The following ATRX variants were observed in gnomAD, a reference collection of about 807,000 sequenced individuals.
ATRX encodes chromatin remodeler ATRX.
Under a neutral mutation model 172.6 loss-of-function variants are expected in ATRX, and 12 were observed. The observed-to-expected ratio is 0.07, with a 90% CI of 0.04 to 0.11. The LOEUF (loss-of-function observed/expected upper bound fraction) is 0.11, where lower values mean the gene tolerates loss of function less well. ATRX is among the 10% of genes least tolerant of loss of function. The probability of loss-of-function intolerance (pLI) is 1.00; values close to 1 mark genes in which losing one functional copy is unlikely to be tolerated. For missense variants in ATRX, 1,368 were observed against 1,767.4 expected (o/e 0.77, Z 4.05); for synonymous variants, 674 against 594.7 (o/e 1.13, Z -1.94).
chrX:77,710,167 C>A (rs1460642679), intron 2 of ATRX, among the ~76,000 whole-genome samples: 2 of 109,718 alleles, frequency 1.8e-5, no homozygotes, highest in African/African-American at 6.6e-5. Flanking sequence ...GGTGTGGTGG[C>A]GCTTGCCTGT....
intron 30 of ATRX, among the ~76,000 whole-genome samples, chrX:77,537,775 G>C (rs911794118): frequency 9.0e-6 from 1 of 111,588 alleles, no homozygotes; most frequent in Non-Finnish European, 1.9e-5. Flanking sequence ...TATTGGAGTT[G>C]TCCAAGAAAA....
intron 28 of ATRX, among the ~76,000 whole-genome samples, chrX:77,566,202 C>T (rs931672067): frequency 2.7e-5 from 3 of 111,225 alleles, no homozygotes; most frequent in Admixed American, 9.6e-5. Context: ...CAAACAAATA[C>T]GTGACAAAAT....
At chrX:77,545,167 C>A (rs2064187786) in intron 30 of ATRX, among the ~76,000 whole-genome samples, 1 of 112,415 alleles carries the variant, frequency 8.9e-6, no homozygotes, top group African/African-American at 3.2e-5. Flanking sequence ...TGCATACCAG[C>A]ACTGTTCTAA....
At chrX:77,714,018 G>C (rs181245964) in intron 2 of ATRX, among the ~76,000 whole-genome samples, 1 of 111,601 alleles carries the variant, frequency 9.0e-6, no homozygotes, top group East Asian at 2.8e-4. Context: ...GCTGGTAGCA[G>C]GTGGCAGCAG....
intron 30 of ATRX, among the ~76,000 whole-genome samples, chrX:77,538,193 T>C (rs2147837402): frequency 9.6e-6 from 1 of 103,695 alleles, no homozygotes; most frequent in East Asian, 3.0e-4. Context: ...ACTTAAAAGC[T>C]GAAGGATAAA....
chrX:77,629,371 T>C (rs2068010199), intron 19 of ATRX, among the ~76,000 whole-genome samples: 1 of 112,325 alleles, frequency 8.9e-6, no homozygotes, highest in South Asian at 3.7e-4. Context: ...GAACAGATCC[T>C]GACACTTTAG....
intron 34 of ATRX, among the ~76,000 whole-genome samples, chrX:77,509,625 GAA>G (rs782134666): frequency 9.0e-6 from 1 of 110,975 alleles, no homozygotes; most frequent in East Asian, 2.9e-4. Flanking sequence ...GTGCTTGCAG[GAA>G]AAGAGTACAG....
At chrX:77,590,595 G>A (rs1416322139) in intron 26 of ATRX, among the ~76,000 whole-genome samples, 1 of 96,379 alleles carries the variant, frequency 1.0e-5, no homozygotes, top group Non-Finnish European at 2.1e-5. Context: ...TTGGGTGACA[G>A]AGCGAGACTC....
At chrX:77,700,472 A>G (rs1557152841) in intron 2 of ATRX, among the ~76,000 whole-genome samples, 1 of 112,365 alleles carries the variant, frequency 8.9e-6, no homozygotes, top group East Asian at 2.8e-4. Context: ...AGCAGCAATC[A>G]CACTCCTTGG....
At chrX:77,623,870 C>A (rs782134740) in intron 19 of ATRX, among the ~76,000 whole-genome samples, 1 of 111,489 alleles carries the variant, frequency 9.0e-6, no homozygotes, top group African/African-American at 3.3e-5. Flanking sequence ...TGATTAAAAC[C>A]CTCAGCAAAA....
At chrX:77,750,010 A>G (rs111395134) in intron 1 of ATRX, among the ~76,000 whole-genome samples, 16,856 of 110,728 alleles carry the variant, frequency 0.15, 1,273 homozygotes, top group Middle Eastern at 0.24. Context: ...TACAATGCCT[A>G]ACATAATTCA....
intron 2 of ATRX, among the ~76,000 whole-genome samples, chrX:77,714,752 T>C (rs1447752852): frequency 8.9e-6 from 1 of 111,839 alleles, no homozygotes; most frequent in African/African-American, 3.2e-5. Context: ...AAAAAAGTCA[T>C]AGTCCCAAAA....
chrX:77,661,175 G>A (rs1032758528), intron 12 of ATRX, among the ~76,000 whole-genome samples: 1 of 111,794 alleles, frequency 8.9e-6, no homozygotes, highest in Non-Finnish European at 1.9e-5. Flanking sequence ...GGTGCCCTAC[G>A]TTTTCATCAA....
chrX:77,724,209 A>G lies in ATRX; in HGVS notation c.21-6966T>C, dbSNP rs781822328. Among the ~76,000 whole-genome samples, 7 of 109,877 alleles carry G rather than the reference A, an allele frequency of 6.4e-5. No individual in the cohort carries two copies. In the South Asian group the frequency reaches 2.7e-3, roughly 43 times the overall value. Reference sequence around the variant, plus strand: ...AGGAGAATCACTTGAGCCGGGAGGGAGAGACTGCAGTGAGCCAAGATCGCG... The same window carrying G: ...AGGAGAATCACTTGAGCCGGGAGGGGGAGACTGCAGTGAGCCAAGATCGCG... On this transcript the variant is annotated intron_variant, in intron 1 of 34. Coordinates refer to ENST00000373344, the MANE Select transcript of ATRX (RefSeq NM_000489.6).
intron 1 of ATRX, among the ~76,000 whole-genome samples, chrX:77,765,212 A>G (rs968442485): frequency 4.5e-5 from 5 of 112,051 alleles, no homozygotes; most frequent in African/African-American, 1.6e-4. Flanking sequence ...AACTATGTCA[A>G]TGACAAATTG....
At chrX:77,626,975 C>T (rs188852254) in intron 19 of ATRX, among the ~76,000 whole-genome samples, 183 of 111,839 alleles carry the variant, frequency 1.6e-3, no homozygotes, top group Non-Finnish European at 2.9e-3. Context: ...CCTGTAATCC[C>T]AGCACTTTGG....
chrX:77,716,111 T>A (rs944009519), intron 2 of ATRX, among the ~76,000 whole-genome samples: 13 of 6,827 alleles, frequency 1.9e-3, no homozygotes, highest in South Asian at 7.6e-3. Context: ...TCTCTAAAAA[T>A]TTTTTTTTTT....
intron 30 of ATRX, among the ~76,000 whole-genome samples, chrX:77,525,838 G>A (rs1276839088): frequency 8.9e-6 from 1 of 112,314 alleles, no homozygotes; most frequent in Non-Finnish European, 1.9e-5. Flanking sequence ...AATAGACATT[G>A]TCAAGTGTGG....
intron 19 of ATRX, among the ~76,000 whole-genome samples, chrX:77,628,960 G>T (rs1557104462): frequency 8.9e-6 from 1 of 112,015 alleles, no homozygotes; most frequent in Non-Finnish European, 1.9e-5. Flanking sequence ...TACGCAGGAA[G>T]AGATAACCAG....
Sources: gnomAD v4.1 joint callset for allele counts (sites outside exome capture counted in the v4.1 genomes callset) on GRCh38, gnomAD v4.1.1 for gene constraint, MANE v1.5 for transcripts, NCBI Gene and HGNC (gene_info 2026-07-23, HGNC 2026-07-21) for gene names.